Variants in CBLIF observed in about 807,000 individuals in gnomAD.
The protein encoded by CBLIF is gastric intrinsic factor (vitamin B synthesis).
Under a neutral mutation model 44.9 loss-of-function variants are expected in CBLIF, and 24 were observed. The ratio of observed to expected loss-of-function variants is 0.53; its 90% CI spans 0.39 to 0.75. The LOEUF (loss-of-function observed/expected upper bound fraction) is 0.75. Ranked by LOEUF, CBLIF falls within the 30% of genes least tolerant of loss-of-function variation. The pLI, the probability that CBLIF is intolerant of heterozygous loss-of-function variation, is 0.00. For synonymous variants in CBLIF, 183 were observed against 190.9 expected (o/e 0.96, Z 0.34); for missense variants, 481 against 513.0 (o/e 0.94, Z 0.60).
At chr11:59,839,060 G>A (rs375177388) in intron 5 of CBLIF, among the ~76,000 whole-genome samples, 10 of 151,988 alleles carry the variant, frequency 6.6e-5, no homozygotes, top group African/African-American at 2.2e-4. Context: ...TATTGGCCAG[G>A]CTGGTCTTGA....
At chr11:59,840,984 T>C in intron 5 of CBLIF, 159 bp downstream of exon 5, 1 of 694,608 alleles carries the variant, frequency 1.4e-6, no homozygotes, top group Non-Finnish European at 2.6e-6. Flanking sequence ...TACCTGCATT[T>C]TACCAGTAGA....
chr11:59,840,953 A>C (rs1866518294), intron 5 of CBLIF, 190 bp downstream of exon 5: 3 of 619,762 alleles, frequency 4.8e-6, no homozygotes, highest in African/African-American at 3.7e-5. Context: ...TTTACATAGG[A>C]GGTAGGGAGG....
chr11:59,845,220 G>T, intron 1 of CBLIF, 155 bp downstream of exon 1: 3 of 1,035,482 alleles, frequency 2.9e-6, no homozygotes, highest in African/African-American at 1.6e-5. Context: ...ATGCTATTAA[G>T]TCAGGAAGGA....
intron 5 of CBLIF, among the ~76,000 whole-genome samples, chr11:59,838,286 AAAT>A (rs1270106929): frequency 6.6e-6 from 1 of 152,232 alleles, no homozygotes; most frequent in Non-Finnish European, 1.5e-5. Context: ...AATAAAATAG[AAAT>A]AATAACTTCT....
intron 3 of CBLIF, chr11:59,842,784 CTG>C (rs1866554981): frequency 1.5e-6 from 1 of 649,684 alleles, no homozygotes; most frequent in Non-Finnish European, 2.7e-6. Context: ...AGGGATGACT[CTG>C]TGTCTTTAGA....
chr11:59,843,239 T>A, intron 2 of CBLIF, 98 bp from the exon 3 acceptor site: 1 of 756,782 alleles, frequency 1.3e-6, no homozygotes, highest in Admixed American at 2.0e-5. Context: ...CTAGAGCATT[T>A]TGACTTTTTA....
At position 59,837,383 on chromosome 11, in the gene CBLIF, G is replaced by C. The variant is rs752765189; in HGVS notation, c.694-32C>G. 4 of 1,535,104 alleles carry C rather than the reference G, an allele frequency of 2.6e-6. No homozygotes were observed. In the African/African-American group the frequency reaches 5.5e-5, roughly 21 times the overall value. On this transcript the variant is annotated intron_variant, in intron 5 of 8. Transcript: ENST00000257248. Reference sequence around the variant, plus strand: ...AGGAAGACAGAAAGAGAGAGAAAGAGTAATTAGGCATAGCTGAGAGTTGGC... The same window carrying C: ...AGGAAGACAGAAAGAGAGAGAAAGACTAATTAGGCATAGCTGAGAGTTGGC...
chr11:59,841,744 T>C (rs1180630504), intron 4 of CBLIF, among the ~76,000 whole-genome samples: 1 of 152,078 alleles, frequency 6.6e-6, no homozygotes, highest in East Asian at 1.9e-4. Flanking sequence ...AGGTTGCTGA[T>C]GGGGCATGCA....
At position 59,842,499 on chromosome 11, in the gene CBLIF, G is replaced by C; in HGVS notation, c.455C>G (p.Pro152Arg). 6.2e-7 allele frequency: 1 copy of C among 1,613,888 alleles called. No individual in the cohort carries two copies. The highest frequency in any genetic ancestry group is 8.5e-7 in the Non-Finnish European group (1 of 1,180,026). ...LCQKNSEATL[P>R]IAVRFAKTLL... Reference sequence around the variant, plus strand: ...GGTCTTGGCAAAGCGGACGGCTATCGGCAAGGTCGCCTCAGAGTTCTTCTG... The same window carrying C: ...GGTCTTGGCAAAGCGGACGGCTATCCGCAAGGTCGCCTCAGAGTTCTTCTG... The change falls in exon 4 of 9, where the codon CCG becomes CGG. Residue 152 changes from proline to arginine, a missense_variant. By Grantham distance (103) the Pro-to-Arg change is moderately radical. Transcript: ENST00000257248.
intron 8 of CBLIF, among the ~76,000 whole-genome samples, chr11:59,829,857 A>G (rs1313467026): frequency 6.6e-6 from 1 of 152,216 alleles, no homozygotes; most frequent in Non-Finnish European, 1.5e-5. Flanking sequence ...TTATTTTCAA[A>G]ATTAGGAATA....
At chr11:59,845,296 A>G (rs756146123) in intron 1 of CBLIF, 79 bp downstream of exon 1, 175 of 1,602,634 alleles carry the variant, frequency 1.1e-4, no homozygotes, top group Non-Finnish European at 1.4e-4. Context: ...GCTATTTTCA[A>G]CCACTCAGTG....
At chr11:59,843,655 C>T (rs1484835439) in intron 2 of CBLIF, among the ~76,000 whole-genome samples, 1 of 152,156 alleles carries the variant, frequency 6.6e-6, no homozygotes, top group Non-Finnish European at 1.5e-5. Context: ...GCTCTTTCGA[C>T]GTCTAGTCCA....
At chr11:59,842,295 C>A in intron 4 of CBLIF, 148 bp downstream of exon 4, 1 of 846,474 alleles carries the variant, frequency 1.2e-6, no homozygotes, top group South Asian at 1.4e-5. Context: ...CAACAAACAT[C>A]TGGTAAATAT....
At chr11:59,834,642 C>T (rs952793113) in intron 7 of CBLIF, among the ~76,000 whole-genome samples, 3 of 152,022 alleles carry the variant, frequency 2.0e-5, no homozygotes, top group East Asian at 3.9e-4. Flanking sequence ...ATCCACCCGC[C>T]TCAGCTTCCA....
chr11:59,830,403 A>AT (rs1039613250), intron 8 of CBLIF, among the ~76,000 whole-genome samples: 18 of 151,244 alleles, frequency 1.2e-4, no homozygotes, highest in African/African-American at 4.1e-4. Flanking sequence ...CGCCTGACTA[A>AT]TTTTTTTGTA....
chr11:59,842,404 T>A, intron 4 of CBLIF, 39 bp downstream of exon 4: 1 of 1,610,368 alleles, frequency 6.2e-7, no homozygotes, highest in East Asian at 2.2e-5. Context: ...TCACGATGCC[T>A]CTGATGTTCC....
chr11:59,831,711 G>T lies in CBLIF; in HGVS notation c.1159C>A (p.Gln387Lys). 1.3e-6 allele frequency: 2 copies of T among 1,585,042 alleles called. No homozygotes were observed. The highest frequency in any genetic ancestry group is 1.7e-6 in the Non-Finnish European group (2 of 1,153,656). ...AENVNHKTYW[Q>K]FLSGVTPLNE... ...AAAGGTGTTACACCACTAAGAAACTGCCAGTATGTCTTGTGATTAACATTT... is the reference window on the plus strand; with the variant it reads ...AAAGGTGTTACACCACTAAGAAACTTCCAGTATGTCTTGTGATTAACATTT... The change falls in exon 8 of 9, where the codon CAG becomes AAG. Residue 387 changes from glutamine (Q) to lysine (K), a missense_variant. Coordinates refer to ENST00000257248, the MANE Select transcript of CBLIF (RefSeq NM_005142.3).
chr11:59,841,644 T>C (rs1332818790), intron 4 of CBLIF, among the ~76,000 whole-genome samples: 1 of 152,170 alleles, frequency 6.6e-6, no homozygotes, highest in Non-Finnish European at 1.5e-5. Context: ...AGGTCCCAGA[T>C]GTGAAAGGGA....
At chr11:59,830,377 C>T (rs1222848706) in intron 8 of CBLIF, among the ~76,000 whole-genome samples, 2 of 151,718 alleles carry the variant, frequency 1.3e-5, no homozygotes, top group African/African-American at 4.8e-5. Context: ...GCTGGGACTA[C>T]AGGCACCCGC....
Sources: gnomAD v4.1 joint callset for allele counts (sites outside exome capture counted in the v4.1 genomes callset) on GRCh38, gnomAD v4.1.1 for gene constraint, MANE v1.5 for transcripts, NCBI Gene and HGNC (gene_info 2026-07-23, HGNC 2026-07-21) for gene names.